DOCK4: variants seen among roughly 807,000 people sequenced by gnomAD.
DOCK4 encodes dedicator of cytokinesis protein 4.
DOCK4 carries 97 observed loss-of-function variants against 268.1 expected under a neutral mutation model. That is an observed-to-expected ratio of 0.36 (90% confidence interval 0.31 to 0.43). DOCK4 has a LOEUF of 0.43. Among genes scored for constraint, DOCK4 ranks in the 20% least tolerant of loss-of-function variants. The probability of loss-of-function intolerance (pLI) is 1.00; values close to 1 mark genes in which losing one functional copy is unlikely to be tolerated. For synonymous variants in DOCK4, 954 were observed against 887.2 expected, an observed-to-expected ratio of 1.08 and a Z score of -1.34; for missense variants, 2,145 against 2,455.7, an observed-to-expected ratio of 0.87 and a Z score of 2.67.
chr7:112,188,406 T>C (rs1819644234), intron 1 of DOCK4, among the ~76,000 whole-genome samples: 1 of 152,246 alleles, frequency 6.6e-6, no homozygotes, highest in Non-Finnish European at 1.5e-5. Flanking sequence ...GATAAATGCT[T>C]TGCCTGAGTT....
intron 10 of DOCK4, among the ~76,000 whole-genome samples, chr7:111,944,452 A>G (rs1356003659): frequency 6.6e-6 from 1 of 152,246 alleles, no homozygotes; most frequent in Non-Finnish European, 1.5e-5. Flanking sequence ...TCATTAACTT[A>G]TAGGAAACTC....
chr7:111,916,539 G>T (rs1257532757), intron 12 of DOCK4, among the ~76,000 whole-genome samples: 1 of 152,074 alleles, frequency 6.6e-6, no homozygotes, highest in African/African-American at 2.4e-5. Flanking sequence ...AAAGAAAAGA[G>T]AATTTAGTCA....
intron 44 of DOCK4, among the ~76,000 whole-genome samples, chr7:111,744,382 C>T (rs1796127743): frequency 1.3e-5 from 2 of 152,186 alleles, no homozygotes; most frequent in Non-Finnish European, 2.9e-5. Context: ...GTGCCCTCTC[C>T]AGTCCACCTC....
chr7:111,899,444 C>G (rs375665677), intron 15 of DOCK4, among the ~76,000 whole-genome samples: 1 of 152,194 alleles, frequency 6.6e-6, no homozygotes, highest in East Asian at 1.9e-4. Flanking sequence ...AAGATATACT[C>G]AGGGACACAA....
At chr7:112,160,256 T>C (rs1816991884) in intron 1 of DOCK4, among the ~76,000 whole-genome samples, 2 of 152,196 alleles carry the variant, frequency 1.3e-5, no homozygotes, top group South Asian at 4.1e-4. Context: ...CAGAGGGCTT[T>C]TGTGAATATC....
At chr7:111,933,285 T>TAC (rs1794405830) in intron 12 of DOCK4, among the ~76,000 whole-genome samples, 1 of 121,142 alleles carries the variant, frequency 8.3e-6, no homozygotes, top group African/African-American at 3.4e-5. Flanking sequence ...TATACATATA[T>TAC]ATATATATAT....
chr7:112,059,029 A>G (rs1238268647), intron 1 of DOCK4, among the ~76,000 whole-genome samples: 2 of 152,114 alleles, frequency 1.3e-5, no homozygotes, highest in Non-Finnish European at 2.9e-5. Context: ...CAGGAAGACA[A>G]CCTTGTTACA....
At chr7:111,969,721 A>T (rs1429720301) in intron 8 of DOCK4, among the ~76,000 whole-genome samples, 1 of 152,158 alleles carries the variant, frequency 6.6e-6, no homozygotes, top group African/African-American at 2.4e-5. Context: ...ATTAATTGAC[A>T]TATGCCAAAA....
intron 16 of DOCK4, among the ~76,000 whole-genome samples, chr7:111,878,514 C>G (rs1807103098): frequency 6.6e-6 from 1 of 152,180 alleles, no homozygotes; most frequent in South Asian, 2.1e-4. Context: ...ATCACAGTAC[C>G]TGGTTTTAAC....
At position 111,990,109 on chromosome 7, in the gene DOCK4, G is replaced by C. The variant is rs1414648865; in HGVS notation, c.316-946C>G. Among the ~76,000 whole-genome samples, 2 of 152,090 alleles carry C rather than the reference G, an allele frequency of 1.3e-5. 1 individual carries two copies. Among genetic ancestry groups the C allele is most frequent in the South Asian group, 4.1e-4 (2 of 4,822 alleles). The stretch of plus-strand genomic sequence containing the variant: ...CGGGTATTATAGTACCTACTTCTCA[G>C]GGTTGTTGTGAGGATTAATGAGTTA... On this transcript the variant is annotated intron_variant, in intron 5 of 52. Transcript: ENST00000428084.
intron 42 of DOCK4, among the ~76,000 whole-genome samples, chr7:111,750,819 T>C (rs1327057214): frequency 6.6e-6 from 1 of 152,180 alleles, no homozygotes; most frequent in Non-Finnish European, 1.5e-5. Context: ...AGATGGAACA[T>C]TTTTAAATTT....
chr7:111,767,032 C>G lies in DOCK4; in HGVS notation c.3915G>C (p.Arg1305=). 6.2e-7 allele frequency: 1 copy of G among 1,612,850 alleles called. No individual in the cohort carries two copies. Among genetic ancestry groups the G allele is most frequent in the Non-Finnish European group, 8.5e-7 (1 of 1,178,996 alleles). Residue 1305 remains arginine (R), a splice_region_variant and synonymous_variant, in exon 38 of 53, where the codon CGG becomes CGC. Coordinates refer to ENST00000428084, the MANE Select transcript of DOCK4 (RefSeq NM_001363540.2). The stretch of plus-strand genomic sequence containing the variant: ...ATCAGGATGCATCCAGGCACCTTAC[C>G]CGCATCTTGCTCAGGTTTCTGTAGT... The part of the protein sequence containing the change: ...YYDYRNLSKM[R]MMEASLYDKI...
At chr7:111,905,096 A>G (rs781699610) in intron 13 of DOCK4, among the ~76,000 whole-genome samples, 3 of 152,208 alleles carry the variant, frequency 2.0e-5, no homozygotes, top group African/African-American at 4.8e-5. Flanking sequence ...TTATGTTCCA[A>G]TTTTGCAAGG....
intron 10 of DOCK4, among the ~76,000 whole-genome samples, chr7:111,943,479 T>C (rs1795365125): frequency 6.6e-6 from 1 of 152,238 alleles, no homozygotes; most frequent in African/African-American, 2.4e-5. Context: ...ATTAAAATTT[T>C]AGCAATGTTT....
rs143363081 is a variant in DOCK4, at chr7:111,732,663, C to T, written c.5420-376G>A. On this transcript the variant is annotated intron_variant, in intron 51 of 52. Coordinates refer to ENST00000428084, the MANE Select transcript of DOCK4 (RefSeq NM_001363540.2). ...ATGCTAGGGAGCAGTTCTTGGGGAA[C>T]AGCTGTTGACTTTGGCGTGAGCACC... The T allele has an allele frequency of 1.1e-3, 229 of 210,256 alleles. 1 individual carries two copies. The highest frequency in any genetic ancestry group is 1.8e-3 in the Non-Finnish European group (187 of 104,100). The allele number at this position is 210,256 out of a possible 1,614,324, so 13.0% of individuals were successfully genotyped here.
intron 10 of DOCK4, among the ~76,000 whole-genome samples, chr7:111,940,997 G>A (rs1795157871): frequency 6.6e-6 from 1 of 152,066 alleles, no homozygotes; most frequent in African/African-American, 2.4e-5. Flanking sequence ...GTTTCTATCT[G>A]AGCAAAATTC....
Position 111,735,114 on chromosome 7 carries a change from T to G in DOCK4, c.5359A>C (p.Asn1787His). Residue 1787 changes from asparagine to histidine, a missense_variant, in exon 51 of 53, where the codon AAC becomes CAC. Transcript: ENST00000428084. ...ATAAGTTTCCCACTATCCGACATGT[T>G]CTTGGCTTCCTTCCCACTGTCCAGG... Reference protein sequence around the residue: ...WSLDSGKEAKNMSDSGKLISP... With the variant: ...WSLDSGKEAKHMSDSGKLISP... 1 of 1,602,278 alleles carries G rather than the reference T, an allele frequency of 6.2e-7. No homozygotes were observed. Among genetic ancestry groups the G allele is most frequent in the Non-Finnish European group, 8.5e-7 (1 of 1,174,330 alleles).
At chr7:112,045,783 T>C (rs1804774953) in intron 1 of DOCK4, among the ~76,000 whole-genome samples, 1 of 152,152 alleles carries the variant, frequency 6.6e-6, no homozygotes. Context: ...ACCATTTTGT[T>C]CAAGAGAGAA....
intron 16 of DOCK4, among the ~76,000 whole-genome samples, chr7:111,877,486 T>C (rs1807001261): frequency 6.6e-6 from 1 of 152,212 alleles, no homozygotes; most frequent in East Asian, 1.9e-4. Flanking sequence ...TCTCATTGTG[T>C]TGTCATAAGA....
Sources: gnomAD v4.1 joint callset for allele counts (sites outside exome capture counted in the v4.1 genomes callset) on GRCh38, gnomAD v4.1.1 for gene constraint, MANE v1.5 for transcripts, NCBI Gene and HGNC (gene_info 2026-07-23, HGNC 2026-07-21) for gene names.